The following RAB19 variants were observed in gnomAD, a reference collection of about 807,000 sequenced individuals.
RAB19 encodes the protein RAB19, member RAS oncogene family.
A neutral mutation model predicts 17.3 loss-of-function variants in RAB19; 21 were observed. The ratio of observed to expected loss-of-function variants is 1.21; its 90% CI spans 0.86 to 1.74. The LOEUF (loss-of-function observed/expected upper bound fraction) is 1.74. Among genes scored for constraint, RAB19 ranks in the 40% most tolerant of loss-of-function variants. RAB19 has a pLI of 0.00. For synonymous variants in RAB19, 126 were observed against 110.4 expected, an observed-to-expected ratio of 1.14 and a Z score of -0.88; for missense variants, 277 against 286.8, an observed-to-expected ratio of 0.97 and a Z score of 0.25.
At chr7:140,409,423 G>A (rs1471444004) in intron 2 of RAB19, among the ~76,000 whole-genome samples, 2 of 151,856 alleles carry the variant, frequency 1.3e-5, no homozygotes, top group East Asian at 1.9e-4. Context: ...TGCCAGGCAC[G>A]GTGGCTCATG....
chr7:140,421,680 T>C (rs7800959), intron 3 of RAB19, among the ~76,000 whole-genome samples: 25,097 of 151,984 alleles, frequency 0.17, 2,650 homozygotes, highest in African/African-American at 0.3. Flanking sequence ...TATTATGTTT[T>C]GTAGAGATGG....
At chr7:140,424,747 G>A (rs1467823985) in intron 3 of RAB19, among the ~76,000 whole-genome samples, 1 of 148,950 alleles carries the variant, frequency 6.7e-6, no homozygotes, top group South Asian at 2.1e-4. Flanking sequence ...AAAATAAAAG[G>A]TTTAAACATG....
chr7:140,423,465 G>T (rs946317836), intron 3 of RAB19, among the ~76,000 whole-genome samples: 1 of 151,742 alleles, frequency 6.6e-6, no homozygotes, highest in African/African-American at 2.4e-5. Flanking sequence ...ACAAATGTTG[G>T]TCCATGCATA....
chr7:140,405,234 T>TG (rs1554440429), intron 1 of RAB19, among the ~76,000 whole-genome samples: 2 of 150,862 alleles, frequency 1.3e-5, no homozygotes, highest in South Asian at 4.2e-4. Flanking sequence ...TTTGTTTGTT[T>TG]TTTGAAACGG....
intron 2 of RAB19, 117 bp from the exon 3 acceptor site, chr7:140,411,757 G>C: frequency 6.3e-7 from 1 of 1,587,556 alleles, no homozygotes; most frequent in Non-Finnish European, 8.6e-7. Context: ...GATCTACTGG[G>C]TCTGAATATC....
chr7:140,409,864 G>A (rs1799318982), intron 2 of RAB19, among the ~76,000 whole-genome samples: 2 of 151,052 alleles, frequency 1.3e-5, no homozygotes, highest in Admixed American at 1.3e-4. Context: ...CTGGTGGCGG[G>A]TGCCTGTAGT....
chr7:140,411,216 G>A (rs1160097388), intron 2 of RAB19, among the ~76,000 whole-genome samples: 1 of 152,100 alleles, frequency 6.6e-6, no homozygotes, highest in African/African-American at 2.4e-5. Flanking sequence ...TGGCTAACAC[G>A]GTGAAACCCC....
intron 3 of RAB19, among the ~76,000 whole-genome samples, chr7:140,415,481 A>G (rs1308468155): frequency 6.6e-6 from 1 of 152,120 alleles, no homozygotes; most frequent in Non-Finnish European, 1.5e-5. Context: ...CAGGTCCACA[A>G]TCACTCAACA....
chr7:140,416,934 T>C (rs538717444), intron 3 of RAB19, among the ~76,000 whole-genome samples: 1 of 151,774 alleles, frequency 6.6e-6, no homozygotes, highest in South Asian at 2.1e-4. Flanking sequence ...CTACAAAAAA[T>C]AAAAAATTAA....
At chr7:140,415,956 A>G (rs966385779) in intron 3 of RAB19, among the ~76,000 whole-genome samples, 1 of 151,980 alleles carries the variant, frequency 6.6e-6, no homozygotes, top group Non-Finnish European at 1.5e-5. Context: ...CAGTAATCCC[A>G]GTAGTTTGGG....
At chr7:140,407,938 C>T (rs994259456) in intron 2 of RAB19, 91 bp downstream of exon 2, 5 of 999,784 alleles carry the variant, frequency 5.0e-6, no homozygotes, top group Non-Finnish European at 7.1e-6. Context: ...GATCTCGGCT[C>T]ACTGCAAGCT....
In RAB19 at chr7:140,425,971, G is replaced by C; in HGVS notation, c.475G>C (p.Glu159Gln). 6.2e-7 allele frequency: 1 copy of C among 1,614,150 alleles called. No individual in the cohort carries two copies. Among genetic ancestry groups the C allele is most frequent in the Non-Finnish European group, 8.5e-7 (1 of 1,180,026 alleles). The stretch of plus-strand genomic sequence containing the variant: ...GAAGTACGGCCTCCTGGCCGTTTTG[G>C]AGACATCTGCCAAGGAGTCAAAGAA... ...AEKYGLLAVL[E>Q]TSAKESKNIE... is the part of the protein sequence containing the mutation. Residue 159 changes from glutamate (E) to glutamine (Q), a missense_variant, in exon 4 of 4, where the codon GAG becomes CAG. Coordinates refer to ENST00000537763, the MANE Select transcript of RAB19 (RefSeq NM_001008749.3).
rs1326501964 is a variant in RAB19 at position 140,407,624 on chromosome 7, T to A, written c.-23T>A. The A allele has an allele frequency of 1.2e-6, 2 of 1,611,994 alleles. No homozygotes were observed. The highest frequency in any genetic ancestry group is 1.1e-5 in the South Asian group (1 of 91,022). On this transcript the variant is annotated splice_region_variant and 5_prime_UTR_variant, in exon 2 of 4. Transcript: ENST00000537763. ...GCTGAATTCCATCCTTTCTTCCTAGTTCTGTTCTAGGTGGCAAGAACCATG... is the reference window on the plus strand; with the variant it reads ...GCTGAATTCCATCCTTTCTTCCTAGATCTGTTCTAGGTGGCAAGAACCATG...
At position 140,418,937 on chromosome 7, in the gene RAB19, C is replaced by T. The variant is rs73478821; in HGVS notation, c.385+6880C>T. ...ACTTTATTACTCCACACTCCTTCTG[C>T]CCCAAAGGCAAGTGCTTTTATGATA... On this transcript the variant is annotated intron_variant, in intron 3 of 3. Transcript: ENST00000537763. Among the ~76,000 whole-genome samples, 1,218 of 151,748 alleles carry T rather than the reference C, an allele frequency of 8.0e-3. 14 individuals carry two copies. Among genetic ancestry groups the T allele is most frequent in the African/African-American group, 0.028 (1,170 of 41,414 alleles).
At chr7:140,423,690 T>C (rs955366325) in intron 3 of RAB19, among the ~76,000 whole-genome samples, 7 of 152,174 alleles carry the variant, frequency 4.6e-5, no homozygotes, top group African/African-American at 1.7e-4. Context: ...GTGAGAGTTA[T>C]AAAGGAATAG....
At position 140,407,612 on chromosome 7, in the gene RAB19, C is replaced by G; in HGVS notation, c.-23-12C>G. 3.1e-6 allele frequency: 5 copies of G among 1,606,310 alleles called. No individual in the cohort carries two copies. Among genetic ancestry groups the G allele is most frequent in the Non-Finnish European group, 4.3e-6 (5 of 1,173,082 alleles). ...CCAGTTCCTGGTGCTGAATTCCATC[C>G]TTTCTTCCTAGTTCTGTTCTAGGTG... On this transcript the variant is annotated splice_polypyrimidine_tract_variant and intron_variant, in intron 1 of 3. Coordinates refer to ENST00000537763, the MANE Select transcript of RAB19 (RefSeq NM_001008749.3).
At chr7:140,421,851 A>G (rs1445145950) in intron 3 of RAB19, among the ~76,000 whole-genome samples, 1 of 152,184 alleles carries the variant, frequency 6.6e-6, no homozygotes, top group Non-Finnish European at 1.5e-5. Context: ...TAATTTTAAT[A>G]TATTTCAATC....
chr7:140,422,513 G>A (rs1028947374), intron 3 of RAB19, among the ~76,000 whole-genome samples: 69 of 151,958 alleles, frequency 4.5e-4, no homozygotes, highest in African/African-American at 1.6e-3. Flanking sequence ...CATGCTCTTG[G>A]GAGTGAAAAT....
At position 140,425,915 on chromosome 7, in the gene RAB19, T is replaced by C. The variant is rs1391195670; in HGVS notation, c.419T>C (p.Val140Ala). Residue 140 changes from valine to alanine, a missense_variant, in exon 4 of 4, where the codon GTC becomes GCC. Transcript: ENST00000537763. Reference protein sequence around the residue: ...NKCDLWEKRHVLFEDACTLAE... With the variant: ...NKCDLWEKRHALFEDACTLAE... ...TGTGACCTCTGGGAAAAGCGGCACG[T>C]CCTGTTCGAGGATGCCTGCACACTG... 2.5e-6 allele frequency: 4 copies of C among 1,614,058 alleles called. No homozygotes were observed. The East Asian group carries it at 8.9e-5, about 36-fold the overall frequency.
Sources: gnomAD v4.1 joint callset for allele counts (sites outside exome capture counted in the v4.1 genomes callset) on GRCh38, gnomAD v4.1.1 for gene constraint, MANE v1.5 for transcripts, NCBI Gene and HGNC (gene_info 2026-07-23, HGNC 2026-07-21) for gene names.